The following SPPL2B variants were observed in gnomAD, a reference collection of about 807,000 sequenced individuals.
SPPL2B encodes the protein signal peptide peptidase-like 2B.
Under a neutral mutation model 59.7 loss-of-function variants are expected in SPPL2B, and 39 were observed. The ratio of observed to expected loss-of-function variants is 0.65; its 90% CI spans 0.51 to 0.85. The LOEUF is 0.85. Ranked by LOEUF, SPPL2B falls within the 40% of genes least tolerant of loss-of-function variation. The probability of loss-of-function intolerance (pLI) is 0.00; values close to 1 mark genes in which losing one functional copy is unlikely to be tolerated. For missense variants in SPPL2B, 865 were observed against 849.0 expected (o/e 1.02, Z -0.23); for synonymous variants, 419 against 370.8 (o/e 1.13, Z -1.49).
chr19:2,335,425 C>A (rs1201197708), intron 2 of SPPL2B, among the ~76,000 whole-genome samples: 2 of 143,452 alleles, frequency 1.4e-5, no homozygotes, highest in Non-Finnish European at 3.0e-5. Flanking sequence ...CAGGCCCCGC[C>A]TCCTTTCCCA....
chr19:2,341,621 AC>A (rs1365558799), intron 8 of SPPL2B: 1 of 456,054 alleles, frequency 2.2e-6, no homozygotes, highest in South Asian at 1.5e-5. Flanking sequence ...ACCATCTGGC[AC>A]TTCCTCCCAG....
chr19:2,349,811 C>A (rs1295962665), intron 13 of SPPL2B, among the ~76,000 whole-genome samples: 1 of 144,298 alleles, frequency 6.9e-6, no homozygotes, highest in African/African-American at 2.6e-5. Context: ...CGCTCTCATT[C>A]GCTTGACTCT....
At position 2,337,498 on chromosome 19, in the gene SPPL2B, T is replaced by A; in HGVS notation, c.242T>A (p.Leu81His). ...TASLLCSAAD[L>H]PARGFSNQIP... ...TCCCTGCTCTGCTCCGCAGCCGACC[T>A]CCCCGCCCGTGGCTTCAGCAACCAG... The change falls in exon 3 of 15, where the codon CTC becomes CAC. Residue 81 changes from leucine to histidine, a missense_variant. Transcript: ENST00000613503. 6.2e-7 allele frequency: 1 copy of A among 1,613,174 alleles called. No homozygotes were observed. The highest frequency in any genetic ancestry group is 8.5e-7 in the Non-Finnish European group (1 of 1,179,630).
At chr19:2,331,846 G>A (rs1324889429) in intron 1 of SPPL2B, among the ~76,000 whole-genome samples, 18 of 152,234 alleles carry the variant, frequency 1.2e-4, no homozygotes, top group Admixed American at 1.1e-3. Flanking sequence ...TTCTTCCAGA[G>A]CCGGAGACCC....
intron 2 of SPPL2B, 37 bp downstream of exon 2, chr19:2,334,758 A>G: frequency 6.7e-7 from 1 of 1,495,520 alleles, no homozygotes; most frequent in Non-Finnish European, 8.9e-7. Context: ...TGCGGAGGAG[A>G]ATGCGGGGGC....
At chr19:2,336,451 GTGTT>G (rs918396897) in intron 2 of SPPL2B, among the ~76,000 whole-genome samples, 62 of 152,202 alleles carry the variant, frequency 4.1e-4, no homozygotes, top group African/African-American at 7.5e-4. Flanking sequence ...ATGTGCCTGT[GTGTT>G]TGGGTTCGTG....
chr19:2,348,779 G>A (rs539270234), intron 13 of SPPL2B, among the ~76,000 whole-genome samples: 5 of 128,134 alleles, frequency 3.9e-5, no homozygotes, highest in East Asian at 4.8e-4. Flanking sequence ...GCTCTCATTC[G>A]CTTGATTCCG....
chr19:2,343,951 C>T lies in SPPL2B; in HGVS notation c.1039-14C>T, dbSNP rs749172549. 166 of 1,546,204 alleles carry T rather than the reference C, an allele frequency of 1.1e-4. No individual in the cohort carries two copies. The highest frequency in any genetic ancestry group is 7.3e-4 in the South Asian group (61 of 83,916). On this transcript the variant is annotated splice_polypyrimidine_tract_variant and intron_variant, in intron 9 of 14. Coordinates refer to ENST00000613503, the MANE Select transcript of SPPL2B (RefSeq NM_152988.3). ...GGCCGGGGTGGGGGCCGCCCTCAGCCGTGGGCTTCGCAGGCCTGCACGCTG... is the reference window on the plus strand; with the variant it reads ...GGCCGGGGTGGGGGCCGCCCTCAGCTGTGGGCTTCGCAGGCCTGCACGCTG...
At chr19:2,341,415 G>C (rs948867609) in intron 8 of SPPL2B, 1 of 463,024 alleles carries the variant, frequency 2.2e-6, no homozygotes, top group East Asian at 6.7e-5. Context: ...CGGTCCTCTT[G>C]GTCATGACTG....
intron 3 of SPPL2B, 33 bp from the exon 4 acceptor site, chr19:2,338,719 T>C (rs765831918): frequency 1.3e-6 from 2 of 1,501,086 alleles, no homozygotes; most frequent in Admixed American, 1.7e-5. Flanking sequence ...CTGCTGCGGG[T>C]GATGCCTGCC....
intron 9 of SPPL2B, 74 bp from the exon 10 acceptor site, chr19:2,343,891 G>A (rs1000665432): frequency 4.3e-6 from 5 of 1,173,648 alleles, no homozygotes; most frequent in Admixed American, 2.0e-5. Flanking sequence ...AGGAGGAGGC[G>A]CTGGGCCTCA....
intron 9 of SPPL2B, among the ~76,000 whole-genome samples, chr19:2,343,558 A>C (rs1164645248): frequency 2.0e-5 from 3 of 152,126 alleles, no homozygotes; most frequent in Non-Finnish European, 2.9e-5. Context: ...GTGGTTGAAT[A>C]GGGCTGGAGG....
intron 13 of SPPL2B, among the ~76,000 whole-genome samples, chr19:2,348,138 C>T (rs1599246043): frequency 9.7e-6 from 1 of 102,864 alleles, no homozygotes; most frequent in Non-Finnish European, 1.9e-5. Flanking sequence ...CACTCACGCT[C>T]TCATTCGCTT....
intron 8 of SPPL2B, chr19:2,341,971 T>C (rs952992598): frequency 4.6e-5 from 9 of 194,618 alleles, no homozygotes; most frequent in Non-Finnish European, 9.6e-5. Flanking sequence ...TGGCCGCAGT[T>C]CTCTGGGTGC....
At position 2,339,160 on chromosome 19, in the gene SPPL2B, G is replaced by A; in HGVS notation, c.551G>A (p.Gly184Asp). ...NMVIIFIMAV[G>D]TVAIGGYWAG... ...GTCATCATCTTCATCATGGCTGTGGGCACCGTCGCCATCGGCGGCTACTGG... is the reference window on the plus strand; with the variant it reads ...GTCATCATCTTCATCATGGCTGTGGACACCGTCGCCATCGGCGGCTACTGG... Residue 184 changes from glycine to aspartate, a missense_variant, in exon 5 of 15, where the codon GGC becomes GAC. Transcript: ENST00000613503. 6.2e-7 allele frequency: 1 copy of A among 1,602,504 alleles called. No homozygotes were observed.
chr19:2,337,468 C>T lies in SPPL2B; in HGVS notation c.212C>T (p.Thr71Met), dbSNP rs372532849. The T allele has an allele frequency of 2.9e-5, 47 of 1,608,534 alleles. No homozygotes were observed. The highest frequency in any genetic ancestry group is 5.3e-5 in the African/African-American group (4 of 74,910). ...TCTTTCCTGCAGCTGCGCAACTGGA[C>T]GGCCTCCCTGCTCTGCTCCGCAGCC... ...KASFLQLRNW[T>M]ASLLCSAADL... Residue 71 changes from threonine to methionine, a missense_variant, in exon 3 of 15, where the codon ACG becomes ATG. Physicochemically the swap from Thr to Met is moderately conservative, Grantham distance 81. Coordinates refer to ENST00000613503, the MANE Select transcript of SPPL2B (RefSeq NM_152988.3).
chr19:2,337,583 C>T lies in SPPL2B; in HGVS notation c.327C>T (p.Gly109=), dbSNP rs371483892. 3.1e-5 allele frequency: 49 copies of T among 1,605,128 alleles called. No homozygotes were observed. Among genetic ancestry groups the T allele is most frequent in the Middle Eastern group, 3.4e-4 (2 of 5,868 alleles). Residue 109 remains glycine, a synonymous_variant, in exon 3 of 15, where the codon GGC becomes GGT. Coordinates refer to ENST00000613503, the MANE Select transcript of SPPL2B (RefSeq NM_152988.3). ...TFYEKVRLAQ[G]SGARGLLIVS... ...ATGAGAAAGTGAGGCTGGCCCAGGGCAGCGGAGCACGCGGGCTGCTCATCG... is the reference window on the plus strand; with the variant it reads ...ATGAGAAAGTGAGGCTGGCCCAGGGTAGCGGAGCACGCGGGCTGCTCATCG...
In SPPL2B at chr19:2,338,819, A is replaced by G. The variant is rs1344531905; in HGVS notation, c.437A>G (p.Lys146Arg). Reference protein sequence around the residue: ...IGIPVALLSYKDMLDIFTRFG... With the variant: ...IGIPVALLSYRDMLDIFTRFG... ...ATTCCCGTGGCCCTGCTCAGCTACA[A>G]AGACATGCTGGACATCTTCACGGTA... The change falls in exon 4 of 15, where the codon AAA becomes AGA. Residue 146 changes from lysine (K) to arginine (R), a missense_variant. Lys to Arg is a conservative substitution (Grantham distance 26). Coordinates refer to ENST00000613503, the MANE Select transcript of SPPL2B (RefSeq NM_152988.3). 3.7e-6 allele frequency: 6 copies of G among 1,613,434 alleles called. No individual in the cohort carries two copies. The highest frequency in any genetic ancestry group is 5.1e-6 in the Non-Finnish European group (6 of 1,179,668).
At position 2,332,937 on chromosome 19, in the gene SPPL2B, C is replaced by G. The variant is rs868401270; in HGVS notation, c.67-1665C>G. Among the ~76,000 whole-genome samples, 2 of 141,818 alleles carry G rather than the reference C, an allele frequency of 1.4e-5. No homozygotes were observed. The highest frequency in any genetic ancestry group is 7.1e-5 in the Admixed American group (1 of 14,008). The allele number at this position is 141,818 out of a possible 152,430, so 93.0% of individuals were successfully genotyped here. The stretch of plus-strand genomic sequence containing the variant: ...AGAAGGAAGGTGGGGATGGCAGGTG[C>G]GGGCGGCTGGACTGGGCTCTGCTGG... On this transcript the variant is annotated intron_variant, in intron 1 of 14. Coordinates refer to ENST00000613503, the MANE Select transcript of SPPL2B (RefSeq NM_152988.3). The surrounding 1 kb of genome is among the most constrained non-coding windows in gnomAD (Gnocchi z 4.6).
Sources: gnomAD v4.1 joint callset for allele counts (sites outside exome capture counted in the v4.1 genomes callset) on GRCh38, gnomAD v4.1.1 for gene constraint, Gnocchi (gnomAD v3.1) non-coding constraint, MANE v1.5 for transcripts, NCBI Gene and HGNC (gene_info 2026-07-23, HGNC 2026-07-21) for gene names.